Variants in OR56A3 observed in about 807,000 individuals in gnomAD.
The protein encoded by OR56A3 is olfactory receptor family 56 subfamily A member 3.
Under a neutral mutation model 17.5 loss-of-function variants are expected in OR56A3, and 23 were observed. The ratio of observed to expected loss-of-function variants is 1.32; its 90% CI spans 0.95 to 1.87. The LOEUF is 1.87. OR56A3 is among the 40% of genes most tolerant of loss of function. The pLI, the probability that OR56A3 is intolerant of heterozygous loss-of-function variation, is 0.00. For synonymous variants in OR56A3, 175 were observed against 150.6 expected (o/e 1.16, Z -1.19); for missense variants, 366 against 380.1 (o/e 0.96, Z 0.31).
downstream of OR56A3, among the ~76,000 whole-genome samples, chr11:5,953,519 A>G (rs928230081): frequency 6.6e-6 from 1 of 152,166 alleles, no homozygotes; most frequent in African/African-American, 2.4e-5. Flanking sequence ...TTATTACTCT[A>G]GCATTCCTAG....
chr11:6,000,101 T>C, the OR56A3 span: 1 of 152,214 alleles, frequency 6.6e-6, no homozygotes, highest in Non-Finnish European at 1.5e-5. Context: ...GACCCAGCCA[T>C]CCCATTACTG....
the OR56A3 span, among the ~76,000 whole-genome samples, chr11:5,980,328 T>C: frequency 6.6e-6 from 1 of 152,160 alleles, no homozygotes; most frequent in African/African-American, 2.4e-5. Flanking sequence ...CAAAGTCTCT[T>C]TGTAGGACTC....
the OR56A3 span, among the ~76,000 whole-genome samples, chr11:5,988,926 G>A: frequency 2.6e-5 from 4 of 152,314 alleles, no homozygotes; most frequent in South Asian, 2.1e-4. Flanking sequence ...GCACATGTGC[G>A]TGTAAAGATT....
the OR56A3 span, among the ~76,000 whole-genome samples, chr11:6,019,004 G>A: frequency 6.6e-6 from 1 of 151,802 alleles, no homozygotes; most frequent in African/African-American, 2.4e-5. Context: ...AATACCACTA[G>A]TGAGTAATGA....
the OR56A3 span, among the ~76,000 whole-genome samples, chr11:6,004,483 A>G: frequency 6.6e-6 from 1 of 152,268 alleles, no homozygotes; most frequent in South Asian, 2.1e-4. Flanking sequence ...AGAAGATATT[A>G]GAAGACTTTA....
At chr11:5,952,233 A>G (rs1847911839), downstream of OR56A3, among the ~76,000 whole-genome samples, 1 of 152,238 alleles carries the variant, frequency 6.6e-6, no homozygotes, top group South Asian at 2.1e-4. Flanking sequence ...CAGAGGTGCA[A>G]GGCGGTTGCC....
At chr11:5,986,060 G>A in the OR56A3 span, 2 of 1,613,830 alleles carry the variant, frequency 1.2e-6, no homozygotes, top group Admixed American at 3.3e-5. Context: ...AGAAGAACAT[G>A]GACATGATGG....
At chr11:5,968,522 C>T in the OR56A3 span, 20 of 1,475,192 alleles carry the variant, frequency 1.4e-5, no homozygotes, top group Non-Finnish European at 1.9e-5. Flanking sequence ...GAGAAAATTT[C>T]ACCTGAAATT....
At chr11:6,019,008 G>A in the OR56A3 span, among the ~76,000 whole-genome samples, 14 of 151,942 alleles carry the variant, frequency 9.2e-5, no homozygotes, top group African/African-American at 3.4e-4. Context: ...CCACTAGTGA[G>A]TAATGAGATT....
At chr11:5,964,765 G>A in the OR56A3 span, among the ~76,000 whole-genome samples, 1 of 152,282 alleles carries the variant, frequency 6.6e-6, no homozygotes, top group Middle Eastern at 3.4e-3. Flanking sequence ...ACAGATATTG[G>A]CATGTAGGTC....
At chr11:6,008,921 T>C in the OR56A3 span, among the ~76,000 whole-genome samples, 14 of 152,092 alleles carry the variant, frequency 9.2e-5, no homozygotes, top group African/African-American at 3.4e-4. Flanking sequence ...GTTATTCTGA[T>C]TATTACCTGT....
the OR56A3 span, among the ~76,000 whole-genome samples, chr11:5,983,272 A>G: frequency 6.6e-6 from 1 of 151,184 alleles, no homozygotes; most frequent in Admixed American, 6.6e-5. Context: ...ACATCTCACA[A>G]CTTTTGCTAT....
chr11:5,970,157 T>G, the OR56A3 span, among the ~76,000 whole-genome samples: 3 of 152,212 alleles, frequency 2.0e-5, no homozygotes, highest in East Asian at 3.8e-4. Flanking sequence ...GCAATTTAAA[T>G]TCATTTGAAA....
chr11:5,981,298 C>A, the OR56A3 span, among the ~76,000 whole-genome samples: 2 of 152,188 alleles, frequency 1.3e-5, no homozygotes, highest in African/African-American at 4.8e-5. Flanking sequence ...CCAGGGATGT[C>A]AATCAGTCAT....
At chr11:5,966,830 T>C in the OR56A3 span, among the ~76,000 whole-genome samples, 1 of 151,028 alleles carries the variant, frequency 6.6e-6, no homozygotes, top group African/African-American at 2.4e-5. Context: ...TCAGGTAGGA[T>C]AGTATGAAGT....
downstream of OR56A3, among the ~76,000 whole-genome samples, chr11:5,951,712 T>C (rs1847909177): frequency 6.6e-6 from 1 of 152,172 alleles, no homozygotes; most frequent in Non-Finnish European, 1.5e-5. Flanking sequence ...GCCCTTCAGC[T>C]CAACATTTAA....
At chr11:5,946,731 A>G (rs1203463544) in intron 2 of OR56A3, among the ~76,000 whole-genome samples, 1 of 152,234 alleles carries the variant, frequency 6.6e-6, no homozygotes, top group Admixed American at 6.5e-5. Flanking sequence ...TGCCTACTAA[A>G]TAAAAATGAA....
At chr11:6,016,058 G>C in the OR56A3 span, among the ~76,000 whole-genome samples, 5 of 152,148 alleles carry the variant, frequency 3.3e-5, no homozygotes, top group Non-Finnish European at 7.3e-5. Context: ...GGGACCTAGT[G>C]AGAGGTGATT....
In OR56A3 at chr11:5,947,606, C is replaced by T. The variant is rs777713718; in HGVS notation, c.260C>T (p.Thr87Ile). The T allele has an allele frequency of 6.8e-6, 11 of 1,614,218 alleles. No individual in the cohort carries two copies. The highest frequency in any genetic ancestry group is 8.5e-6 in the Non-Finnish European group (10 of 1,180,034). The part of the protein sequence containing the change: ...LCLTVIPKVL[T>I]IFWFDLRPIS... ...CTCACTGTCATCCCCAAGGTCCTGA[C>T]CATCTTCTGGTTTGACCTCAGGCCC... Residue 87 changes from threonine to isoleucine, a missense_variant, in exon 3 of 3, where the codon ACC becomes ATC. By Grantham distance (89) the Thr-to-Ile change is moderately conservative (BLOSUM62 -1). Transcript: ENST00000641160.
Sources: allele counts gnomAD v4.1 joint callset (sites outside exome capture counted in the v4.1 genomes callset), GRCh38; gene constraint gnomAD v4.1.1; transcripts MANE v1.5; gene names NCBI Gene and HGNC (gene_info 2026-07-23, HGNC 2026-07-21).